IQCM: variants seen among roughly 807,000 people sequenced by gnomAD.
The protein encoded by IQCM is IQ motif containing M.
Under a neutral mutation model 57.6 loss-of-function variants are expected in IQCM, and 45 were observed. The ratio of observed to expected loss-of-function variants is 0.78; its 90% CI spans 0.62 to 1.00. IQCM has a LOEUF of 1.00. IQCM is among the 50% of genes least tolerant of loss of function. The pLI is 0.00. For synonymous variants in IQCM, 148 were observed against 158.9 expected (o/e 0.93, Z 0.51); for missense variants, 468 against 511.6 (o/e 0.91, Z 0.82).
Position 149,673,438 on chromosome 4 carries a change from C to T in IQCM, c.565+8680G>A, listed in dbSNP as rs1024368674. Among the ~76,000 whole-genome samples, 7 of 151,834 alleles carry T rather than the reference C, an allele frequency of 4.6e-5. No homozygotes were observed. The East Asian group carries it at 9.7e-4, about 21-fold the overall frequency. Reference sequence around the variant, plus strand: ...AAGGGATGGAGGAAGATCTACCAAGCAAATGGAAAACAAAAAAATGCAGGG... The same window carrying T: ...AAGGGATGGAGGAAGATCTACCAAGTAAATGGAAAACAAAAAAATGCAGGG... On this transcript the variant is annotated intron_variant, in intron 7 of 13. Coordinates refer to ENST00000636793, the MANE Select transcript of IQCM (RefSeq NM_001363507.2).
chr4:149,586,108 AG>A (rs1294883210), intron 9 of IQCM, among the ~76,000 whole-genome samples: 2 of 151,692 alleles, frequency 1.3e-5, no homozygotes, highest in Admixed American at 1.3e-4. Flanking sequence ...TAAGGAAAAA[AG>A]GCTTCCCAAA....
At chr4:149,811,596 C>G (rs1318873602) in intron 2 of IQCM, among the ~76,000 whole-genome samples, 3 of 152,150 alleles carry the variant, frequency 2.0e-5, no homozygotes. Flanking sequence ...CTCTTTTCCT[C>G]TCTTAGCTCC....
chr4:149,762,546 A>C (rs1420777166), intron 2 of IQCM, among the ~76,000 whole-genome samples: 1 of 152,080 alleles, frequency 6.6e-6, no homozygotes, highest in African/African-American at 2.4e-5. Context: ...TGCATTGAAC[A>C]TAAAGGTTGC....
At chr4:149,622,406 G>C (rs542677183) in intron 7 of IQCM, among the ~76,000 whole-genome samples, 1 of 150,062 alleles carries the variant, frequency 6.7e-6, no homozygotes, top group Non-Finnish European at 1.5e-5. Context: ...GCAGTGGTGC[G>C]ATCTCGGCTC....
intron 7 of IQCM, among the ~76,000 whole-genome samples, chr4:149,632,487 T>A (rs1757349950): frequency 6.6e-6 from 1 of 152,190 alleles, no homozygotes. Context: ...AATTTTGTTA[T>A]TTTCATCTGT....
At chr4:149,353,604 TAAG>T (rs1221513783) in intron 13 of IQCM, among the ~76,000 whole-genome samples, 2 of 152,132 alleles carry the variant, frequency 1.3e-5, no homozygotes, top group African/African-American at 2.4e-5. Flanking sequence ...TATTCAGCCT[TAAG>T]AAGAAGGAAA....
intron 8 of IQCM, among the ~76,000 whole-genome samples, chr4:149,601,708 C>T (rs577021201): frequency 1.5e-3 from 235 of 152,228 alleles, no homozygotes; most frequent in Middle Eastern, 3.4e-3. Context: ...TAGTACATTA[C>T]AGTCAACCCT....
intron 12 of IQCM, among the ~76,000 whole-genome samples, chr4:149,455,371 CAGTA>C (rs1737581919): frequency 1.3e-5 from 2 of 152,074 alleles, no homozygotes. Flanking sequence ...CCAGACTCTG[CAGTA>C]AGTATTTCAT....
chr4:149,368,795 CATATATAT>C (rs34345748), intron 13 of IQCM, among the ~76,000 whole-genome samples: 1 of 85,210 alleles, frequency 1.2e-5, no homozygotes, highest in Non-Finnish European at 2.5e-5. Flanking sequence ...TATATATATA[CATATATAT>C]ACATGTATAT....
At chr4:149,585,152 C>A (rs1344433388) in intron 9 of IQCM, among the ~76,000 whole-genome samples, 1 of 151,574 alleles carries the variant, frequency 6.6e-6, no homozygotes, top group East Asian at 1.9e-4. Context: ...TGTAGCCTGG[C>A]AATAGTAATA....
rs570278132 is a variant in IQCM, at chr4:149,674,269, T to C, written c.565+7849A>G. ...TCCTCATTAAGTAGAAAAAATATGATAATTGGTACAACACTTTTACAAAAT... is the reference window on the plus strand; with the variant it reads ...TCCTCATTAAGTAGAAAAAATATGACAATTGGTACAACACTTTTACAAAAT... On this transcript the variant is annotated intron_variant, in intron 7 of 13. Transcript: ENST00000636793. 7.2e-5 allele frequency among the ~76,000 whole-genome samples: 11 copies of C among 152,270 alleles called. No homozygotes were observed. The South Asian group carries it at 2.3e-3, about 31-fold the overall frequency.
intron 13 of IQCM, among the ~76,000 whole-genome samples, chr4:149,408,337 C>T (rs752729309): frequency 2.0e-5 from 3 of 152,144 alleles, no homozygotes; most frequent in Admixed American, 1.3e-4. Context: ...AAATAATTGA[C>T]GAAGCATAAA....
rs901803597 is a variant in IQCM at position 149,426,616 on chromosome 4, A to G, written c.1390+6780T>C. Among the ~76,000 whole-genome samples, 4 of 151,944 alleles carry G rather than the reference A, an allele frequency of 2.6e-5. No homozygotes were observed. The South Asian group carries it at 6.2e-4, about 24-fold the overall frequency. On this transcript the variant is annotated intron_variant, in intron 13 of 13. Coordinates refer to ENST00000636793, the MANE Select transcript of IQCM (RefSeq NM_001363507.2). ...TCTGAAGGATTGAACTGGAGCCTCCATTTCCACATTGTATTACTCACATAG... is the reference window on the plus strand; with the variant it reads ...TCTGAAGGATTGAACTGGAGCCTCCGTTTCCACATTGTATTACTCACATAG...
chr4:149,498,161 G>A (rs1036473165), intron 12 of IQCM, among the ~76,000 whole-genome samples: 2 of 152,144 alleles, frequency 1.3e-5, no homozygotes, highest in African/African-American at 4.8e-5. Context: ...GAGCTAGGTA[G>A]GAAACCACTT....
At chr4:149,506,999 A>G (rs1190402729) in intron 12 of IQCM, among the ~76,000 whole-genome samples, 1 of 152,178 alleles carries the variant, frequency 6.6e-6, no homozygotes, top group Non-Finnish European at 1.5e-5. Flanking sequence ...ACCTGGGGGC[A>G]GGTCTTTCCT....
intron 8 of IQCM, among the ~76,000 whole-genome samples, chr4:149,597,342 T>C (rs1753872582): frequency 6.6e-6 from 1 of 152,004 alleles, no homozygotes; most frequent in African/African-American, 2.4e-5. Context: ...TGACTCACAT[T>C]TGTCTGATTA....
In IQCM at chr4:149,553,164, C is replaced by G; in HGVS notation, c.1072G>C (p.Glu358Gln). ...TTACATTTTTTTCGGTCCATCCACT[C>G]CTCTAGCTCTGCTAAGTTGAGAATT... ...RQILNLAELE[E>Q]WMDRKKFYEI... The change falls in exon 11 of 14, where the codon GAG becomes CAG. Residue 358 changes from glutamate to glutamine, a missense_variant. Glu to Gln is a conservative substitution (Grantham distance 29). Coordinates refer to ENST00000636793, the MANE Select transcript of IQCM (RefSeq NM_001363507.2). The G allele has an allele frequency of 8.1e-7, 1 of 1,232,012 alleles. No individual in the cohort carries two copies. The highest frequency in any genetic ancestry group is 1.0e-6 in the Non-Finnish European group (1 of 987,876). 76.3% of individuals were successfully genotyped at this position (1,232,012 alleles called of 1,614,324 possible). A position where few individuals can be genotyped will look rare whatever the true frequency, so the allele number is the denominator to read the frequency against.
intron 7 of IQCM, among the ~76,000 whole-genome samples, chr4:149,673,591 C>G (rs992147755): frequency 2.7e-4 from 41 of 152,242 alleles, no homozygotes; most frequent in African/African-American, 9.4e-4. Flanking sequence ...AAAATATATG[C>G]ACCCAATACA....
intron 12 of IQCM, among the ~76,000 whole-genome samples, chr4:149,434,601 T>A (rs1735173997): frequency 6.6e-6 from 1 of 152,118 alleles, no homozygotes; most frequent in South Asian, 2.1e-4. Context: ...TATAAGGCCA[T>A]ATGACATGAT....
Sources: gnomAD v4.1 joint callset for allele counts (sites outside exome capture counted in the v4.1 genomes callset) on GRCh38, gnomAD v4.1.1 for gene constraint, MANE v1.5 for transcripts, NCBI Gene and HGNC (gene_info 2026-07-23, HGNC 2026-07-21) for gene names.